BAZ1B: variants seen among roughly 807,000 people sequenced by gnomAD.
BAZ1B encodes bromodomain adjacent to zinc finger domain 1B.
BAZ1B carries 22 observed loss-of-function variants against 153.8 expected under a neutral mutation model. The observed-to-expected ratio is 0.14, with a 90% CI of 0.10 to 0.20. BAZ1B has a LOEUF of 0.20. Ranked by LOEUF, BAZ1B falls within the 10% of genes least tolerant of loss-of-function variation. The probability of loss-of-function intolerance (pLI) is 1.00; values close to 1 mark genes in which losing one functional copy is unlikely to be tolerated. For synonymous variants in BAZ1B, 676 were observed against 633.4 expected (o/e 1.07, Z -1.01); for missense variants, 1,325 against 1,799.3 (o/e 0.74, Z 4.77).
At chr7:73,494,775 G>A (rs1320335275) in intron 4 of BAZ1B, among the ~76,000 whole-genome samples, 1 of 152,132 alleles carries the variant, frequency 6.6e-6, no homozygotes, top group East Asian at 1.9e-4. Flanking sequence ...CTGAACTAAT[G>A]TAACTGTAAT....
chr7:73,490,028 A>G (rs1405836291), intron 5 of BAZ1B, among the ~76,000 whole-genome samples: 4 of 152,232 alleles, frequency 2.6e-5, no homozygotes, highest in Non-Finnish European at 5.9e-5. Flanking sequence ...CCAATAAGGG[A>G]TTTGTTAAAT....
rs554878444 is a variant in BAZ1B at position 73,460,642 on chromosome 7, G to A, written c.3250-924C>T. On this transcript the variant is annotated intron_variant, in intron 12 of 19. Transcript: ENST00000339594. Reference sequence around the variant, plus strand: ...TGGGACCACAGGTACATGGCATCACGCCTGGCTAATTTTTTAAATTCTTTT... The same window carrying A: ...TGGGACCACAGGTACATGGCATCACACCTGGCTAATTTTTTAAATTCTTTT... Among the ~76,000 whole-genome samples the A allele has an allele frequency of 4.6e-5, 7 of 152,118 alleles. No individual in the cohort carries two copies. In the South Asian group the frequency reaches 1.0e-3, roughly 23 times the overall value.
Position 73,469,654 on chromosome 7 carries a change from C to T in BAZ1B, c.2733-4G>A, listed in dbSNP as rs79799481. On this transcript the variant is annotated splice_polypyrimidine_tract_variant and splice_region_variant and intron_variant, in intron 8 of 19. Coordinates refer to ENST00000339594, the MANE Select transcript of BAZ1B (RefSeq NM_032408.4). ...TTCATCTGAGAAGAGCCAGTATCTA[C>T]AAATCACAACCAGTATTAATAAGAC... 3 of 1,613,742 alleles carry T rather than the reference C, an allele frequency of 1.9e-6. No homozygotes were observed. Among genetic ancestry groups the T allele is most frequent in the Admixed American group, 1.7e-5 (1 of 59,982 alleles).
chr7:73,481,901 C>T (rs1291750689), intron 6 of BAZ1B, among the ~76,000 whole-genome samples: 6 of 151,924 alleles, frequency 3.9e-5, no homozygotes, highest in Admixed American at 1.3e-4. Context: ...TAGCCTGGCG[C>T]GGTGGCGGGC....
rs76405245 is a variant in BAZ1B at position 73,506,607 on chromosome 7, T to C, written c.369+1720A>G. On this transcript the variant is annotated intron_variant, in intron 3 of 19. Transcript: ENST00000339594. ...AGTGACTCACGCCTGTAATCCCAAC[T>C]CTGGGAGGCTGAAGTAGGCATATCA... 5.9e-4 allele frequency among the ~76,000 whole-genome samples: 89 copies of C among 151,628 alleles called. No individual in the cohort carries two copies. In the East Asian group the frequency reaches 0.016, roughly 28 times the overall value.
chr7:73,521,687 G>T, intron 1 of BAZ1B, 140 bp downstream of exon 1: 1 of 569,834 alleles, frequency 1.8e-6, no homozygotes, highest in Non-Finnish European at 2.6e-6. Context: ...CTGAGACTCA[G>T]CCTCCAGGCC....
At chr7:73,514,819 C>T (rs533412199) in intron 1 of BAZ1B, among the ~76,000 whole-genome samples, 1 of 151,922 alleles carries the variant, frequency 6.6e-6, no homozygotes. Flanking sequence ...TGGTGGGTCA[C>T]GCCTGTAATC....
chr7:73,473,934 C>CAG (rs371706417), intron 7 of BAZ1B, among the ~76,000 whole-genome samples: 1 of 152,176 alleles, frequency 6.6e-6, no homozygotes, highest in Non-Finnish European at 1.5e-5. Context: ...TGCTGCACTC[C>CAG]AGCTTGGGTG....
At chr7:73,511,538 G>A (rs910370849) in intron 1 of BAZ1B, among the ~76,000 whole-genome samples, 2 of 151,600 alleles carry the variant, frequency 1.3e-5, no homozygotes, top group South Asian at 2.1e-4. Flanking sequence ...ATGGTTTTTC[G>A]TGTTTTACAA....
At chr7:73,509,828 A>T (rs1311143383) in intron 2 of BAZ1B, among the ~76,000 whole-genome samples, 3 of 151,760 alleles carry the variant, frequency 2.0e-5, no homozygotes, top group South Asian at 2.1e-4. Flanking sequence ...AAAAAAAAAA[A>T]TTTAATTATC....
intron 3 of BAZ1B, among the ~76,000 whole-genome samples, chr7:73,505,560 A>T (rs1790304102): frequency 6.6e-6 from 1 of 152,032 alleles, no homozygotes; most frequent in Non-Finnish European, 1.5e-5. Flanking sequence ...GACCTTCTGA[A>T]CTCTCAAGGA....
At position 73,489,219 on chromosome 7, in the gene BAZ1B, C is replaced by T; in HGVS notation, c.866G>A (p.Ser289Asn). ...VKKYSLPSKF[S>N]DFLLDPYKYM... ...CTTGTATGGATCAAGTAAAAAGTCA[C>T]TGAACTTGCTGGGCAGAGAGTATTT... Residue 289 changes from serine (S) to asparagine (N), a missense_variant, in exon 6 of 20, where the codon AGT becomes AAT. Ser to Asn is a conservative substitution (Grantham distance 46). Around this residue, in one of 9 missense-constraint regions of BAZ1B, gnomAD observed 219 missense variants for 248.2 expected, o/e 0.88. Coordinates refer to ENST00000339594, the MANE Select transcript of BAZ1B (RefSeq NM_032408.4). 1 of 1,614,208 alleles carries T rather than the reference C, an allele frequency of 6.2e-7. No individual in the cohort carries two copies. The highest frequency in any genetic ancestry group is 8.5e-7 in the Non-Finnish European group (1 of 1,180,042).
At chr7:73,446,305 CCG>C (rs1787832895) in intron 16 of BAZ1B, among the ~76,000 whole-genome samples, 1 of 152,038 alleles carries the variant, frequency 6.6e-6, no homozygotes, top group South Asian at 2.1e-4. Context: ...AGTGTATTGG[CCG>C]GGCATAGTGG....
chr7:73,517,779 G>T (rs1554579582), intron 1 of BAZ1B, among the ~76,000 whole-genome samples: 2 of 152,194 alleles, frequency 1.3e-5, no homozygotes, highest in African/African-American at 4.8e-5. Context: ...TCGAATCCTA[G>T]ACTATCTCAT....
At chr7:73,463,665 A>C (rs1358177251) in intron 11 of BAZ1B, among the ~76,000 whole-genome samples, 1 of 151,612 alleles carries the variant, frequency 6.6e-6, no homozygotes, top group South Asian at 2.1e-4. Flanking sequence ...TCATAGAACT[A>C]TATTTCTTTG....
chr7:73,475,393 A>G (rs1402500658), intron 7 of BAZ1B, among the ~76,000 whole-genome samples: 1 of 152,230 alleles, frequency 6.6e-6, no homozygotes, highest in East Asian at 1.9e-4. Context: ...TCCAGCCATA[A>G]AAGGGAATGA....
At position 73,498,656 on chromosome 7, in the gene BAZ1B, G is replaced by C; in HGVS notation, c.412C>G (p.His138Asp). Residue 138 changes from histidine to aspartate, a missense_variant, in exon 4 of 20, where the codon CAT (histidine) becomes GAT (aspartate). Around this residue, in one of 9 missense-constraint regions of BAZ1B, gnomAD observed 153 missense variants for 204.8 expected, o/e 0.75. Coordinates refer to ENST00000339594, the MANE Select transcript of BAZ1B (RefSeq NM_032408.4). ...KMLKVKIVKI[H>D]PLEKVDEEAT... ...TCTTCATCCACTTTCTCCAAAGGAT[G>C]AATCTTCACAATCTTCACCTTGAGC... is the stretch of plus-strand genomic sequence containing the variant. 6.2e-7 allele frequency: 1 copy of C among 1,614,054 alleles called. No individual in the cohort carries two copies. Among genetic ancestry groups the C allele is most frequent in the Non-Finnish European group, 8.5e-7 (1 of 1,180,014 alleles).
At chr7:73,499,482 G>C (rs560390638) in intron 3 of BAZ1B, among the ~76,000 whole-genome samples, 1 of 152,114 alleles carries the variant, frequency 6.6e-6, no homozygotes, top group East Asian at 1.9e-4. Context: ...CACCATGCCC[G>C]GCCAGACCCA....
chr7:73,515,737 A>G, intron 1 of BAZ1B, among the ~76,000 whole-genome samples: 1 of 151,982 alleles, frequency 6.6e-6, no homozygotes, highest in East Asian at 1.9e-4. Context: ...ACAGGGTTTC[A>G]TTCACTGTTG....
Sources: gnomAD v4.1 joint callset for allele counts (sites outside exome capture counted in the v4.1 genomes callset) on GRCh38, gnomAD v4.1.1 for gene constraint, gnomAD v4.1.1 regional missense constraint, MANE v1.5 for transcripts, NCBI Gene and HGNC (gene_info 2026-07-23, HGNC 2026-07-21) for gene names.